TAFA4: variants seen among roughly 807,000 people sequenced by gnomAD.
The protein encoded by TAFA4 is TAFA chemokine like family member 4.
TAFA4 carries 20 observed loss-of-function variants against 21.1 expected under a neutral mutation model. The observed-to-expected ratio is 0.95, with a 90% confidence interval of 0.67 to 1.38. The LOEUF is 1.38. Ranked by LOEUF, TAFA4 falls within the 40% of genes most tolerant of loss-of-function variation. The pLI is 0.00. For missense variants in TAFA4, 211 were observed against 180.9 expected, an observed-to-expected ratio of 1.17 and a Z score of -0.95; for synonymous variants, 71 against 67.4, an observed-to-expected ratio of 1.05 and a Z score of -0.26.
chr3:68,903,918 T>G (rs1013105692), intron 1 of TAFA4, among the ~76,000 whole-genome samples: 1 of 152,118 alleles, frequency 6.6e-6, no homozygotes, highest in African/African-American at 2.4e-5. Context: ...CTTTCCTCCT[T>G]TCCATCCCAT....
At chr3:68,736,820 T>G (rs1702249836) in intron 5 of TAFA4, among the ~76,000 whole-genome samples, 1 of 152,170 alleles carries the variant, frequency 6.6e-6, no homozygotes. Flanking sequence ...TGACTTAGAT[T>G]AATAAAGGAA....
rs550292631 is a variant in TAFA4 at position 68,914,551 on chromosome 3, AG to A, written c.-123+17688del. ...TAAAGTTAGTAACTAAGAGTTTTAA[AG>A]TTTATTTAAATTGTGATGCATTCGT... On this transcript the variant is annotated intron_variant, in intron 1 of 5. Coordinates refer to ENST00000295569, the MANE Select transcript of TAFA4 (RefSeq NM_182522.5). Among the ~76,000 whole-genome samples, 171 of 150,834 alleles carry A rather than the reference AG, an allele frequency of 1.1e-3. 2 individuals are homozygous for A. The highest frequency in any genetic ancestry group is 4.1e-3 in the African/African-American group (169 of 41,076).
intron 3 of TAFA4, among the ~76,000 whole-genome samples, chr3:68,825,502 A>G (rs866879901): frequency 6.7e-6 from 1 of 148,638 alleles, no homozygotes; most frequent in Non-Finnish European, 1.5e-5. Flanking sequence ...GCAAAGTAAC[A>G]GTTTCTTTAA....
At chr3:68,785,336 G>C (rs185552781) in intron 3 of TAFA4, among the ~76,000 whole-genome samples, 1 of 152,236 alleles carries the variant, frequency 6.6e-6, no homozygotes, top group Non-Finnish European at 1.5e-5. Context: ...TTGGGTGGTC[G>C]ATGGGACTGG....
At chr3:68,734,207 T>G (rs932494294) in intron 5 of TAFA4, among the ~76,000 whole-genome samples, 1 of 152,188 alleles carries the variant, frequency 6.6e-6, no homozygotes, top group Non-Finnish European at 1.5e-5. Flanking sequence ...TTCTGAAATA[T>G]TCTGTTTTTG....
In TAFA4 at chr3:68,841,327, AAAAAAAAAAT is replaced by A. The variant is rs985688764; in HGVS notation, c.130+39393_130+39402del. Among the ~76,000 whole-genome samples the A allele has an allele frequency of 4.2e-4, 30 of 71,996 alleles. 5 individuals carry two copies. In the South Asian group the frequency reaches 0.012, roughly 29 times the overall value. The allele number at this position is 71,996 out of a possible 152,430, so 47.2% of individuals were successfully genotyped here. On this transcript the variant is annotated intron_variant, in intron 3 of 5. Transcript: ENST00000295569. ...GACAGAGCGAGACTCCGTCTCAAAA[AAAAAAAAAAT>A]AAAAAAAAATAAAATCCACACACAT...
intron 3 of TAFA4, among the ~76,000 whole-genome samples, chr3:68,860,635 C>A (rs2089324088): frequency 6.6e-6 from 1 of 152,052 alleles, no homozygotes; most frequent in Non-Finnish European, 1.5e-5. Context: ...TGGAAAACCT[C>A]TTATATGTAT....
chr3:68,931,825 T>A (rs553981372), intron 1 of TAFA4, among the ~76,000 whole-genome samples: 1 of 152,180 alleles, frequency 6.6e-6, no homozygotes, highest in Non-Finnish European at 1.5e-5. Flanking sequence ...CCTAGAAAGA[T>A]CCTAGCTCAG....
intron 3 of TAFA4, among the ~76,000 whole-genome samples, chr3:68,862,005 G>T (rs1025632334): frequency 6.6e-6 from 1 of 152,012 alleles, no homozygotes; most frequent in African/African-American, 2.4e-5. Flanking sequence ...TCTGCCTCCT[G>T]CTGAGCATAT....
rs1296737589 is a variant in TAFA4, at chr3:68,883,980, GAC to G, written c.14+1193_14+1194del. 2.3e-5 allele frequency among the ~76,000 whole-genome samples: 3 copies of G among 129,870 alleles called. No homozygotes were observed. In the South Asian group the frequency reaches 8.2e-4, roughly 36 times the overall value. The allele number at this position is 129,870 out of a possible 152,430, so 85.2% of individuals were successfully genotyped here. A position where few individuals can be genotyped will look rare whatever the true frequency, so the allele number is the denominator to read the frequency against. ...GCAGGCAGGGAGGCAGGGAGGGAAA[GAC>G]AAAAAAAAATGATGATCCAAATGTT... On this transcript the variant is annotated intron_variant, in intron 2 of 5. Coordinates refer to ENST00000295569, the MANE Select transcript of TAFA4 (RefSeq NM_182522.5).
intron 4 of TAFA4, among the ~76,000 whole-genome samples, chr3:68,750,447 C>T (rs760631903): frequency 5.3e-5 from 8 of 152,106 alleles, no homozygotes; most frequent in Admixed American, 1.3e-4. Context: ...AAGCAGGATG[C>T]GTGAAATATC....
Position 68,852,941 on chromosome 3 carries a change from C to A in TAFA4, c.130+27789G>T, listed in dbSNP as rs1224919076. On this transcript the variant is annotated intron_variant, in intron 3 of 5. Transcript: ENST00000295569. Reference sequence around the variant, plus strand: ...ATATTCAAGATCAGACTAGTTAATCCTTTTGGATTTAAAATCTTACATGTT... The same window carrying A: ...ATATTCAAGATCAGACTAGTTAATCATTTTGGATTTAAAATCTTACATGTT... 3.9e-5 allele frequency among the ~76,000 whole-genome samples: 6 copies of A among 152,218 alleles called. No individual in the cohort carries two copies. The East Asian group carries it at 5.8e-4, about 15-fold the overall frequency.
intron 3 of TAFA4, among the ~76,000 whole-genome samples, chr3:68,842,909 C>T (rs957627724): frequency 1.3e-5 from 2 of 152,138 alleles, no homozygotes; most frequent in African/African-American, 2.4e-5. Context: ...TGCTTTGGTA[C>T]CATTACCATG....
At chr3:68,750,396 C>T (rs548552622) in intron 4 of TAFA4, among the ~76,000 whole-genome samples, 25 of 152,270 alleles carry the variant, frequency 1.6e-4, no homozygotes, top group African/African-American at 6.0e-4. Flanking sequence ...CAATATGTAC[C>T]AGCACACAAA....
chr3:68,795,812 T>C (rs1575611695), intron 3 of TAFA4, among the ~76,000 whole-genome samples: 1 of 152,190 alleles, frequency 6.6e-6, no homozygotes, highest in Admixed American at 6.5e-5. Context: ...TTATTTAATG[T>C]AGTCTTTGCT....
intron 3 of TAFA4, among the ~76,000 whole-genome samples, chr3:68,823,872 T>C (rs190717120): frequency 5.6e-4 from 86 of 152,366 alleles, no homozygotes; most frequent in Admixed American, 4.8e-3. Flanking sequence ...TTAAATGTGT[T>C]AATAAAGTAC....
At chr3:68,785,625 C>G (rs1241656678) in intron 3 of TAFA4, among the ~76,000 whole-genome samples, 1 of 152,250 alleles carries the variant, frequency 6.6e-6, no homozygotes, top group African/African-American at 2.4e-5. Flanking sequence ...CGCGTGCAGC[C>G]CCGGTTCCCG....
At chr3:68,751,199 C>T (rs957884630) in intron 4 of TAFA4, among the ~76,000 whole-genome samples, 2 of 152,178 alleles carry the variant, frequency 1.3e-5, no homozygotes, top group Admixed American at 6.5e-5. Flanking sequence ...AACTGAGACA[C>T]AGATCTTGCA....
chr3:68,869,692 G>A (rs1412428826), intron 3 of TAFA4, among the ~76,000 whole-genome samples: 1 of 151,796 alleles, frequency 6.6e-6, no homozygotes, highest in Non-Finnish European at 1.5e-5. Flanking sequence ...CAACAAATTG[G>A]GTACAGAAGG....
Sources: allele counts gnomAD v4.1 joint callset (sites outside exome capture counted in the v4.1 genomes callset), GRCh38; gene constraint gnomAD v4.1.1; transcripts MANE v1.5; gene names NCBI Gene and HGNC (gene_info 2026-07-23, HGNC 2026-07-21).